MAML3: variants seen among roughly 807,000 people sequenced by gnomAD.
MAML3 encodes mastermind like transcriptional coactivator 3, also known as mastermind-like protein 3.
MAML3 carries 27 observed loss-of-function variants against 101.9 expected under a neutral mutation model. The ratio of observed to expected loss-of-function variants is 0.27; its 90% CI spans 0.20 to 0.37. MAML3 has a LOEUF of 0.37. Among genes scored for constraint, MAML3 ranks in the 10% least tolerant of loss-of-function variants. The pLI is 1.00. For synonymous variants in MAML3, 501 were observed against 555.9 expected (o/e 0.90, Z 1.39); for missense variants, 1,316 against 1,444.9 (o/e 0.91, Z 1.45).
chr4:140,064,343 T>A (rs546597497), intron 1 of MAML3, among the ~76,000 whole-genome samples: 1 of 152,236 alleles, frequency 6.6e-6, no homozygotes, highest in Non-Finnish European at 1.5e-5. Flanking sequence ...AGCATTCTGA[T>A]ATAACACTCA....
At chr4:139,892,032 T>C (rs1285170174) in intron 1 of MAML3, among the ~76,000 whole-genome samples, 1 of 152,218 alleles carries the variant, frequency 6.6e-6, no homozygotes, top group Non-Finnish European at 1.5e-5. Flanking sequence ...GACAACTTCA[T>C]CGATTACAAC....
chr4:140,052,595 T>C (rs1165941988), intron 1 of MAML3, among the ~76,000 whole-genome samples: 1 of 150,892 alleles, frequency 6.6e-6, no homozygotes, highest in Admixed American at 6.6e-5. Flanking sequence ...AGTGCAGTGG[T>C]GTGATCTTGG....
chr4:139,845,679 A>G (rs779416625), intron 2 of MAML3, among the ~76,000 whole-genome samples: 10 of 152,188 alleles, frequency 6.6e-5, no homozygotes, highest in Non-Finnish European at 1.3e-4. Context: ...AGCACTTCAT[A>G]TGATGTCATC....
At chr4:140,016,802 G>T (rs868348603) in intron 1 of MAML3, among the ~76,000 whole-genome samples, 3 of 152,078 alleles carry the variant, frequency 2.0e-5, no homozygotes, top group Admixed American at 6.5e-5. Flanking sequence ...ACCTTATACA[G>T]AAAGTATCTC....
chr4:139,949,578 C>T (rs1733798125), intron 1 of MAML3, among the ~76,000 whole-genome samples: 1 of 152,156 alleles, frequency 6.6e-6, no homozygotes, highest in African/African-American at 2.4e-5. Flanking sequence ...TCATTTGATA[C>T]TATGGAAATC....
chr4:140,045,097 T>A (rs1727160055), intron 1 of MAML3, among the ~76,000 whole-genome samples: 1 of 152,188 alleles, frequency 6.6e-6, no homozygotes, highest in South Asian at 2.1e-4. Context: ...TAATGTATTT[T>A]TAAAAAACAG....
chr4:139,789,421 GA>G (rs1730363433), intron 2 of MAML3, among the ~76,000 whole-genome samples: 1 of 152,130 alleles, frequency 6.6e-6, no homozygotes, highest in Admixed American at 6.5e-5. Context: ...GGGGTGGGTA[GA>G]GGGCAAGCAG....
chr4:140,021,173 T>C (rs1314188743), intron 1 of MAML3, among the ~76,000 whole-genome samples: 1 of 152,214 alleles, frequency 6.6e-6, no homozygotes, highest in Non-Finnish European at 1.5e-5. Context: ...CAAATATGTG[T>C]GTTATTTAGG....
chr4:139,729,134 C>T (rs1728595337), intron 3 of MAML3, among the ~76,000 whole-genome samples: 1 of 116,038 alleles, frequency 8.6e-6, no homozygotes, highest in Non-Finnish European at 1.6e-5. Context: ...GAGATAATTA[C>T]ACAGCTGTTC....
intron 2 of MAML3, among the ~76,000 whole-genome samples, chr4:139,757,129 C>T (rs1426560259): frequency 6.6e-6 from 1 of 152,146 alleles, no homozygotes; most frequent in African/African-American, 2.4e-5. Flanking sequence ...CTTCTGCCCG[C>T]CTCTCTTCAT....
intron 1 of MAML3, among the ~76,000 whole-genome samples, chr4:140,102,078 T>C (rs1728261288): frequency 2.6e-5 from 4 of 152,192 alleles, no homozygotes; most frequent in Admixed American, 2.6e-4. Context: ...ATTTGTGTTG[T>C]TTTGTTTTAA....
At chr4:140,086,283 C>T (rs911910594) in intron 1 of MAML3, among the ~76,000 whole-genome samples, 2 of 152,232 alleles carry the variant, frequency 1.3e-5, no homozygotes, top group Non-Finnish European at 2.9e-5. Context: ...GCCCCATCAG[C>T]GTCCCCTGAA....
At position 139,924,087 on chromosome 4, in the gene MAML3, A is replaced by G. The variant is rs570435908; in HGVS notation, c.469-33120T>C. 4.6e-5 allele frequency among the ~76,000 whole-genome samples: 7 copies of G among 152,340 alleles called. No homozygotes were observed. The South Asian group carries it at 1.4e-3, about 32-fold the overall frequency. ...TGTTTGACATATCACCACAGAATAA[A>G]AAAAGTGATACCAACGCCAAACTTC... On this transcript the variant is annotated intron_variant, in intron 1 of 4. Transcript: ENST00000509479.
At chr4:139,886,038 C>A (rs1000762492) in intron 2 of MAML3, among the ~76,000 whole-genome samples, 1 of 147,060 alleles carries the variant, frequency 6.8e-6, no homozygotes, top group South Asian at 2.2e-4. Flanking sequence ...AGAGAAGATT[C>A]AAAAACTTTT....
At chr4:139,953,690 ACTACTACTAGTCC>A (rs1485677648) in intron 1 of MAML3, among the ~76,000 whole-genome samples, 2 of 152,238 alleles carry the variant, frequency 1.3e-5, no homozygotes, top group Non-Finnish European at 2.9e-5. Flanking sequence ...GCTTATGCAC[ACTACTACTAGTCC>A]CCAGGGCCTT....
In MAML3 at chr4:139,900,092, A is replaced by C. The variant is rs1315742146; in HGVS notation, c.469-9125T>G. Among the ~76,000 whole-genome samples, 2 of 152,252 alleles carry C rather than the reference A, an allele frequency of 1.3e-5. 1 individual carries two copies. Among genetic ancestry groups the C allele is most frequent in the South Asian group, 4.1e-4 (2 of 4,826 alleles). ...CCCAGGGGACAGAACCACTCAAAAC[A>C]TTTTAAGGTACTTTGAGGTTATTTT... On this transcript the variant is annotated intron_variant, in intron 1 of 4. Coordinates refer to ENST00000509479, the MANE Select transcript of MAML3 (RefSeq NM_018717.5).
intron 2 of MAML3, among the ~76,000 whole-genome samples, chr4:139,750,580 C>T (rs187309371): frequency 3.3e-4 from 51 of 152,280 alleles, no homozygotes; most frequent in Non-Finnish European, 2.1e-4. Flanking sequence ...TGATGAAACT[C>T]GACACACTGG....
At position 139,826,956 on chromosome 4, in the gene MAML3, CACA is replaced by C. The variant is rs1303999889; in HGVS notation, c.2079+62398_2079+62400del. Among the ~76,000 whole-genome samples, 3 of 152,204 alleles carry C rather than the reference CACA, an allele frequency of 2.0e-5. No individual in the cohort carries two copies. In the East Asian group the frequency reaches 5.8e-4, roughly 29 times the overall value. ...ATAAAATAAGAAACAATGGAAGAATCACAACAAGAGTTGAGGACAAAAAGAAAG... is the reference window on the plus strand; with the variant it reads ...ATAAAATAAGAAACAATGGAAGAATCACAAGAGTTGAGGACAAAAAGAAAG... On this transcript the variant is annotated intron_variant, in intron 2 of 4. Coordinates refer to ENST00000509479, the MANE Select transcript of MAML3 (RefSeq NM_018717.5).
chr4:139,947,298 G>T (rs1733748724), intron 1 of MAML3, among the ~76,000 whole-genome samples: 2 of 152,068 alleles, frequency 1.3e-5, no homozygotes, highest in Admixed American at 1.3e-4. Flanking sequence ...TAGCGAAGTG[G>T]TATTTGCTAA....
Sources: gnomAD v4.1 joint callset for allele counts (sites outside exome capture counted in the v4.1 genomes callset) on GRCh38, gnomAD v4.1.1 for gene constraint, MANE v1.5 for transcripts, NCBI Gene and HGNC (gene_info 2026-07-23, HGNC 2026-07-21) for gene names.